The following MLIP variants were observed in gnomAD, a reference collection of about 807,000 sequenced individuals.
The protein encoded by MLIP is muscular LMNA interacting protein, also known as muscular LMNA-interacting protein.
In MLIP, 79 loss-of-function variants were observed where a neutral mutation model predicts 84.8. The observed-to-expected ratio is 0.93, with a 90% CI of 0.78 to 1.12. The LOEUF (loss-of-function observed/expected upper bound fraction) is 1.12, where lower values mean the gene tolerates loss of function less well. Ranked by LOEUF, MLIP falls within the 50% of genes most tolerant of loss-of-function variation. MLIP has a pLI of 0.00. For synonymous variants in MLIP, 504 were observed against 463.0 expected, an observed-to-expected ratio of 1.09 and a Z score of -1.14; for missense variants, 1,257 against 1,160.6, an observed-to-expected ratio of 1.08 and a Z score of -1.21.
chr6:54,083,010 G>C (rs1434859366), intron 1 of MLIP, among the ~76,000 whole-genome samples: 1 of 152,040 alleles, frequency 6.6e-6, no homozygotes, highest in Non-Finnish European at 1.5e-5. Flanking sequence ...GATTATAAGT[G>C]AGAACAGAAA....
At chr6:54,060,985 CTTT>C (rs78569538) in intron 1 of MLIP, among the ~76,000 whole-genome samples, 9 of 128,038 alleles carry the variant, frequency 7.0e-5, no homozygotes, top group Non-Finnish European at 6.9e-5. Context: ...TTTACTGTTT[CTTT>C]TTTTTTTTTT....
chr6:54,256,910 G>C (rs775102836), intron 12 of MLIP, among the ~76,000 whole-genome samples: 1 of 152,116 alleles, frequency 6.6e-6, no homozygotes, highest in Non-Finnish European at 1.5e-5. Flanking sequence ...TGTTGCTGTT[G>C]CTTTGGAGCT....
intron 1 of MLIP, among the ~76,000 whole-genome samples, chr6:54,112,073 T>C (rs1769513596): frequency 6.6e-6 from 1 of 152,240 alleles, no homozygotes; most frequent in Admixed American, 6.5e-5. Flanking sequence ...CTCATATTTC[T>C]ATGACTAAAT....
Position 54,121,017 on chromosome 6 carries a change from C to G in MLIP, c.97-430C>G, listed in dbSNP as rs149612308. ...ATTTGTATTTTGGCATTCTTGCTAA[C>G]GATAAATGTGGGGATTTTCTTGCAT... is the stretch of plus-strand genomic sequence containing the variant. On this transcript the variant is annotated intron_variant, in intron 1 of 13. Coordinates refer to ENST00000502396, the MANE Select transcript of MLIP (RefSeq NM_001281747.2). 6.9e-4 allele frequency among the ~76,000 whole-genome samples: 105 copies of G among 152,116 alleles called. 1 individual carries two copies. Among genetic ancestry groups the G allele is most frequent in the Non-Finnish European group, 1.1e-3 (76 of 68,026 alleles).
intron 11 of MLIP, chr6:54,217,426 T>C (rs1779928242): frequency 6.1e-6 from 6 of 985,466 alleles, no homozygotes; most frequent in Non-Finnish European, 7.2e-6. Flanking sequence ...AGGCTTTTTC[T>C]AGAGCACCAA....
rs1389034825 is a variant in MLIP, at chr6:54,266,255, TAAA to T, written c.*301_*303del. On this transcript the variant is annotated 3_prime_UTR_variant, in exon 14 of 14. Coordinates refer to ENST00000502396, the MANE Select transcript of MLIP (RefSeq NM_001281747.2). ...CGTGCCCCTATATTTGGCAGCCAAA[TAAA>T]GAAGAATCGTGGGTAAATAGAAGAA... 1 of 303,928 alleles carries T rather than the reference TAAA, an allele frequency of 3.3e-6. No individual in the cohort carries two copies. Among genetic ancestry groups the T allele is most frequent in the Admixed American group, 4.8e-5 (1 of 20,636 alleles). 18.8% of individuals were successfully genotyped at this position (303,928 alleles called of 1,614,324 possible).
chr6:54,253,173 C>T (rs1043566408), intron 12 of MLIP, among the ~76,000 whole-genome samples: 3 of 152,074 alleles, frequency 2.0e-5, no homozygotes, highest in Non-Finnish European at 4.4e-5. Context: ...CAACATTAGA[C>T]TTATGAAACA....
intron 1 of MLIP, among the ~76,000 whole-genome samples, chr6:54,081,987 C>T (rs184322112): frequency 7.2e-4 from 109 of 151,932 alleles, no homozygotes; most frequent in African/African-American, 2.5e-3. Flanking sequence ...TTCTCCCCAA[C>T]TTTGCCTAGT....
At chr6:54,227,979 C>T (rs950214856) in intron 11 of MLIP, among the ~76,000 whole-genome samples, 1 of 151,858 alleles carries the variant, frequency 6.6e-6, no homozygotes, top group African/African-American at 2.4e-5. Flanking sequence ...GTCAGGAGAT[C>T]GAGATCATTC....
chr6:54,070,445 G>A (rs1359102352), intron 1 of MLIP, among the ~76,000 whole-genome samples: 1 of 152,150 alleles, frequency 6.6e-6, no homozygotes, highest in African/African-American at 2.4e-5. Flanking sequence ...TGCAGTCAAT[G>A]ATTTCCAAGC....
intron 3 of MLIP, among the ~76,000 whole-genome samples, chr6:54,136,216 C>T (rs1771785081): frequency 6.6e-6 from 1 of 152,120 alleles, no homozygotes; most frequent in African/African-American, 2.4e-5. Flanking sequence ...TCCAAGTTCA[C>T]AGCATGTAGG....
chr6:54,228,104 A>G (rs1324553916), intron 11 of MLIP, among the ~76,000 whole-genome samples: 2 of 66,894 alleles, frequency 3.0e-5, no homozygotes, highest in East Asian at 1.1e-3. Context: ...AATGGCATGA[A>G]CCCCGGAGGC....
At chr6:54,086,330 C>T (rs1268888050) in intron 1 of MLIP, among the ~76,000 whole-genome samples, 1 of 152,188 alleles carries the variant, frequency 6.6e-6, no homozygotes, top group Non-Finnish European at 1.5e-5. Context: ...ACCCCTCCCA[C>T]CTAAGGTGTC....
intron 4 of MLIP, among the ~76,000 whole-genome samples, chr6:54,145,786 C>A (rs556989808): frequency 1.4e-5 from 2 of 147,934 alleles, no homozygotes; most frequent in African/African-American, 5.2e-5. Context: ...CCACCACCCC[C>A]TCCCCCACAA....
intron 1 of MLIP, among the ~76,000 whole-genome samples, chr6:54,059,501 AG>A (rs1480606146): frequency 4.6e-5 from 7 of 152,350 alleles, no homozygotes; most frequent in African/African-American, 1.7e-4. Context: ...TTCAATAAAT[AG>A]GATGTGAATT....
intron 12 of MLIP, among the ~76,000 whole-genome samples, chr6:54,246,023 C>T (rs190109066): frequency 3.3e-5 from 5 of 152,208 alleles, no homozygotes; most frequent in Admixed American, 3.3e-4. Context: ...CTAATGAAAG[C>T]ACAACTCAGA....
intron 11 of MLIP, 21 bp downstream of exon 11, chr6:54,202,254 ATG>A (rs765900795): frequency 7.3e-7 from 1 of 1,364,354 alleles, no homozygotes; most frequent in Admixed American, 2.9e-5. Context: ...ACAAGAGAAA[ATG>A]TTTGCTATTT....
intron 1 of MLIP, among the ~76,000 whole-genome samples, chr6:54,023,956 AAT>A (rs1237790097): frequency 6.6e-6 from 1 of 152,210 alleles, no homozygotes. Context: ...AGCTACAAAG[AAT>A]TTTAGAATTC....
chr6:54,064,804 C>T (rs1465608752), intron 1 of MLIP, among the ~76,000 whole-genome samples: 1 of 98,552 alleles, frequency 1.0e-5, no homozygotes, highest in Non-Finnish European at 2.9e-5. Flanking sequence ...TATGTATTCA[C>T]AATATATATG....
Sources: allele counts gnomAD v4.1 joint callset (sites outside exome capture counted in the v4.1 genomes callset), GRCh38; gene constraint gnomAD v4.1.1; transcripts MANE v1.5; gene names NCBI Gene and HGNC (gene_info 2026-07-23, HGNC 2026-07-21).